The following IL1RAPL1 variants were observed in gnomAD, a reference collection of about 807,000 sequenced individuals.
IL1RAPL1 encodes interleukin-1 receptor accessory protein-like 1.
IL1RAPL1 carries 3 observed loss-of-function variants against 48.4 expected under a neutral mutation model. The observed-to-expected ratio is 0.06, with a 90% CI of 0.03 to 0.16. The LOEUF (loss-of-function observed/expected upper bound fraction) is 0.16. Ranked by LOEUF, IL1RAPL1 falls within the 10% of genes least tolerant of loss-of-function variation. The probability of loss-of-function intolerance (pLI) is 1.00; values close to 1 mark genes in which losing one functional copy is unlikely to be tolerated. For synonymous variants in IL1RAPL1, 185 were observed against 187.7 expected (o/e 0.99, Z 0.12); for missense variants, 349 against 530.6 (o/e 0.66, Z 3.36).
chrX:28,957,634 C>T (rs1002690252), intron 2 of IL1RAPL1, among the ~76,000 whole-genome samples: 1 of 110,148 alleles, frequency 9.1e-6, no homozygotes, highest in Non-Finnish European at 1.9e-5. Flanking sequence ...TATCTCTGAT[C>T]ACTTGTAGAA....
intron 2 of IL1RAPL1, among the ~76,000 whole-genome samples, chrX:29,221,982 C>T (rs1366569830): frequency 2.1e-5 from 2 of 93,678 alleles, no homozygotes; most frequent in African/African-American, 8.3e-5. Context: ...TGCACTCCAA[C>T]CTGGGCGACA....
At chrX:29,619,742 T>C (rs1052933354) in intron 5 of IL1RAPL1, among the ~76,000 whole-genome samples, 50 of 111,892 alleles carry the variant, frequency 4.5e-4, no homozygotes, top group African/African-American at 1.5e-3. Flanking sequence ...AATTTGCAAC[T>C]GATATCAATG....
intron 2 of IL1RAPL1, among the ~76,000 whole-genome samples, chrX:29,208,520 G>T (rs1930707822): frequency 9.2e-6 from 1 of 109,231 alleles, no homozygotes; most frequent in Non-Finnish European, 1.9e-5. Flanking sequence ...GACCATCCTG[G>T]CTAACACGGT....
At position 29,035,196 on chromosome X, in the gene IL1RAPL1, C is replaced by T. The variant is rs778277160; in HGVS notation, c.82+245771C>T. 9.0e-5 allele frequency among the ~76,000 whole-genome samples: 10 copies of T among 111,272 alleles called. No homozygotes were observed. In the South Asian group the frequency reaches 3.4e-3, roughly 38 times the overall value. ...TCTCCTGACCTTGTGATCTGCCCGC[C>T]TCGGCCTCCCAAAGTGCTGGGATTA... On this transcript the variant is annotated intron_variant, in intron 2 of 10. Coordinates refer to ENST00000378993, the MANE Select transcript of IL1RAPL1 (RefSeq NM_014271.4).
In IL1RAPL1 at chrX:28,605,094, C is replaced by T. The variant is rs146673415; in HGVS notation, c.-25+17047C>T. ...TTAATTCTTTGCTGGGAAAATGCTC[C>T]ATGGTTTAACTCTTGGCTGTCTTCT... On this transcript the variant is annotated intron_variant, in intron 1 of 10. Transcript: ENST00000378993. 7.5e-3 allele frequency among the ~76,000 whole-genome samples: 842 copies of T among 111,532 alleles called. 5 individuals are homozygous for T. The highest frequency in any genetic ancestry group is 0.026 in the African/African-American group (798 of 30,653).
chrX:28,795,549 A>ACTTAGTCT (rs1936601092), intron 2 of IL1RAPL1, among the ~76,000 whole-genome samples: 2 of 111,395 alleles, frequency 1.8e-5, no homozygotes, highest in Admixed American at 9.6e-5. Context: ...TAAGACTTCA[A>ACTTAGTCT]TGAGGAGGAG....
At chrX:29,553,514 C>G (rs1325736252) in intron 5 of IL1RAPL1, among the ~76,000 whole-genome samples, 1 of 111,545 alleles carries the variant, frequency 9.0e-6, no homozygotes, top group Non-Finnish European at 1.9e-5. Flanking sequence ...GGGCCTGTGT[C>G]CCTGGACTGT....
At chrX:29,008,057 T>G (rs1048670478) in intron 2 of IL1RAPL1, among the ~76,000 whole-genome samples, 1 of 112,130 alleles carries the variant, frequency 8.9e-6, no homozygotes, top group African/African-American at 3.2e-5. Context: ...GCGGAAGTGC[T>G]GTGGCACAAT....
At chrX:29,837,300 TACAC>T (rs144007476) in intron 6 of IL1RAPL1, among the ~76,000 whole-genome samples, 2 of 55,607 alleles carry the variant, frequency 3.6e-5, no homozygotes, top group South Asian at 9.2e-4. Context: ...TATATATATA[TACAC>T]ACACACACAC....
chrX:29,495,979 C>T (rs1023124829), intron 5 of IL1RAPL1, among the ~76,000 whole-genome samples: 1 of 110,240 alleles, frequency 9.1e-6, no homozygotes, highest in Admixed American at 9.7e-5. Flanking sequence ...TTCTGCAGTC[C>T]CTAAGTAGGC....
chrX:29,367,821 C>A (rs922690606), intron 3 of IL1RAPL1, among the ~76,000 whole-genome samples: 1 of 109,535 alleles, frequency 9.1e-6, no homozygotes, highest in African/African-American at 3.3e-5. Context: ...TCAGGTAATC[C>A]GCCCACCTTG....
chrX:28,707,270 C>A (rs761024433), intron 1 of IL1RAPL1, among the ~76,000 whole-genome samples: 1 of 112,127 alleles, frequency 8.9e-6, no homozygotes, highest in Non-Finnish European at 1.9e-5. Context: ...TGGGAGAAGC[C>A]CTCAAGCAAT....
At chrX:28,789,099 T>C (rs1936505874) in intron 1 of IL1RAPL1, among the ~76,000 whole-genome samples, 1 of 111,623 alleles carries the variant, frequency 9.0e-6, no homozygotes, top group African/African-American at 3.3e-5. Context: ...TAAAGCATTT[T>C]GGGGGTGAGG....
chrX:29,370,417 G>A (rs941239395), intron 3 of IL1RAPL1, among the ~76,000 whole-genome samples: 2 of 109,938 alleles, frequency 1.8e-5, no homozygotes, highest in African/African-American at 6.6e-5. Context: ...CAAGCCTTGC[G>A]TCTCCTGATT....
At chrX:28,760,931 C>A (rs1474152957) in intron 1 of IL1RAPL1, among the ~76,000 whole-genome samples, 2 of 109,370 alleles carry the variant, frequency 1.8e-5, no homozygotes, top group Non-Finnish European at 3.8e-5. Context: ...ACTAAAAATA[C>A]AAACATTAGC....
chrX:29,374,391 G>A (rs2147669050), intron 3 of IL1RAPL1, among the ~76,000 whole-genome samples: 1 of 103,000 alleles, frequency 9.7e-6, no homozygotes, highest in Non-Finnish European at 2.0e-5. Context: ...GGAGTGCAGT[G>A]GCACAATGGG....
intron 2 of IL1RAPL1, among the ~76,000 whole-genome samples, chrX:28,869,518 A>G (rs1386400177): frequency 8.9e-6 from 1 of 112,254 alleles, no homozygotes; most frequent in Non-Finnish European, 1.9e-5. Context: ...CTAAGGGGCT[A>G]AAAGAAAGTA....
chrX:29,810,148 C>T (rs900003512), intron 6 of IL1RAPL1, among the ~76,000 whole-genome samples: 2 of 107,738 alleles, frequency 1.9e-5, no homozygotes, highest in East Asian at 5.6e-4. Flanking sequence ...ACATACATAG[C>T]AGCACATTTC....
intron 2 of IL1RAPL1, among the ~76,000 whole-genome samples, chrX:29,187,318 T>G (rs5943609): frequency 9.1e-6 from 1 of 109,867 alleles, no homozygotes; most frequent in Non-Finnish European, 1.9e-5. Flanking sequence ...AAGACTTGAC[T>G]CTACTTGAAA....
Sources: allele counts gnomAD v4.1 joint callset (sites outside exome capture counted in the v4.1 genomes callset), GRCh38; gene constraint gnomAD v4.1.1; transcripts MANE v1.5; gene names NCBI Gene and HGNC (gene_info 2026-07-23, HGNC 2026-07-21).